Variants in PIWIL4 observed in about 807,000 individuals in gnomAD.
PIWIL4 encodes piwi like RNA-mediated gene silencing 4.
In PIWIL4, 50 loss-of-function variants were observed where a neutral mutation model predicts 100.9. The ratio of observed to expected loss-of-function variants is 0.50; its 90% CI spans 0.39 to 0.63. The LOEUF is 0.63. Among genes scored for constraint, PIWIL4 ranks in the 20% least tolerant of loss-of-function variants. The pLI is 0.00. For missense variants in PIWIL4, 887 were observed against 1,043.3 expected (o/e 0.85, Z 2.06); for synonymous variants, 342 against 367.5 (o/e 0.93, Z 0.79).
intron 15 of PIWIL4, among the ~76,000 whole-genome samples, chr11:94,614,308 T>TC: frequency 6.7e-6 from 1 of 150,236 alleles, no homozygotes; most frequent in South Asian, 2.1e-4. Context: ...TTCTTTTTTT[T>TC]TTTTTTTTTC....
chr11:94,576,159 G>A (rs1037181810), intron 3 of PIWIL4, among the ~76,000 whole-genome samples: 8 of 152,216 alleles, frequency 5.3e-5, no homozygotes, highest in Non-Finnish European at 1.2e-4. Flanking sequence ...TTTGGAGACA[G>A]CGTCTCACTC....
intron 10 of PIWIL4, among the ~76,000 whole-genome samples, chr11:94,597,603 G>C (rs1948573486): frequency 6.6e-6 from 1 of 152,110 alleles, no homozygotes; most frequent in East Asian, 1.9e-4. Context: ...TCTAACCACT[G>C]TACTCCCACT....
intron 3 of PIWIL4, 113 bp from the exon 4 acceptor site, chr11:94,577,165 C>T: frequency 2.4e-6 from 2 of 837,534 alleles, no homozygotes; most frequent in South Asian, 3.6e-5. Flanking sequence ...TGCAAAAATC[C>T]TTGCTTTAAA....
In PIWIL4 at chr11:94,593,664, C is replaced by T. The variant is rs375761037; in HGVS notation, c.1150+23C>T. Reference sequence around the variant, plus strand: ...CAGGTAATGTTTGTGTTTTATACCTCTGTCAGGCTCCTGGATACAGGCCCC... The same window carrying T: ...CAGGTAATGTTTGTGTTTTATACCTTTGTCAGGCTCCTGGATACAGGCCCC... On this transcript the variant is annotated intron_variant, in intron 9 of 19. Transcript: ENST00000299001. 4.8e-5 allele frequency: 77 copies of T among 1,611,238 alleles called. No homozygotes were observed. The African/African-American group carries it at 8.3e-4, about 17-fold the overall frequency.
chr11:94,576,228 AGGTTCAAGC>A (rs1948235067), intron 3 of PIWIL4, among the ~76,000 whole-genome samples: 1 of 152,132 alleles, frequency 6.6e-6, no homozygotes, highest in Non-Finnish European at 1.5e-5. Context: ...TCTGCCTTCC[AGGTTCAAGC>A]GATTCTTGTG....
At chr11:94,584,649 A>G (rs1150334) in intron 5 of PIWIL4, among the ~76,000 whole-genome samples, 149,899 of 152,328 alleles carry the variant, frequency 0.98, 73,763 homozygotes, top group Middle Eastern at 1. Context: ...ATCACAGTTG[A>G]AACGCGTTTC....
intron 4 of PIWIL4, among the ~76,000 whole-genome samples, chr11:94,583,042 A>ATGTGTGTGTGTGTG (rs112392209): frequency 2.5e-3 from 351 of 140,406 alleles, no homozygotes; most frequent in African/African-American, 8.4e-3. Context: ...GTATATATAT[A>ATGTGTGTGTGTGTG]TATGTGTGTG....
chr11:94,589,304 A>C (rs922561746), intron 8 of PIWIL4, 72 bp downstream of exon 8: 1 of 1,320,198 alleles, frequency 7.6e-7, no homozygotes, highest in Non-Finnish European at 1.1e-6. Flanking sequence ...TCCAAGTCTC[A>C]GAGGTCCCCC....
chr11:94,584,491 G>A (rs1948370951), intron 5 of PIWIL4, among the ~76,000 whole-genome samples: 1 of 152,164 alleles, frequency 6.6e-6, no homozygotes, highest in Non-Finnish European at 1.5e-5. Flanking sequence ...CTTGCATGCT[G>A]ACATTTGGAA....
chr11:94,577,608 G>A, intron 4 of PIWIL4, 116 bp downstream of exon 4: 1 of 855,584 alleles, frequency 1.2e-6, no homozygotes, highest in Admixed American at 3.3e-5. Context: ...TGGAAAAATA[G>A]AATTAAAAGG....
At chr11:94,600,145 C>G (rs923248247) in intron 11 of PIWIL4, among the ~76,000 whole-genome samples, 1 of 152,136 alleles carries the variant, frequency 6.6e-6, no homozygotes, top group Admixed American at 6.5e-5. Context: ...CTCTTCAGCG[C>G]AGGAAACCTG....
Position 94,573,553 on chromosome 11 carries a change from GT to G in PIWIL4, c.167-1441del, listed in dbSNP as rs571516013. Among the ~76,000 whole-genome samples the G allele has an allele frequency of 1.6e-4, 25 of 152,246 alleles. No individual in the cohort carries two copies. The South Asian group carries it at 5.0e-3, about 30-fold the overall frequency. ...CTGCATCTATTGAGATAATCATGTG[GT>G]TTTTGCCTTTGGTTCTGTTTATGTG... On this transcript the variant is annotated intron_variant, in intron 2 of 19. Transcript: ENST00000299001.
In PIWIL4 at chr11:94,577,210, T is replaced by C. The variant is rs527884719; in HGVS notation, c.299-68T>C. On this transcript the variant is annotated intron_variant, in intron 3 of 19. Coordinates refer to ENST00000299001, the MANE Select transcript of PIWIL4 (RefSeq NM_152431.3). Reference sequence around the variant, plus strand: ...ATGCATAGGCAAATACATTTTTAAATGGTGTGATTAATATTAACATGATGT... The same window carrying C: ...ATGCATAGGCAAATACATTTTTAAACGGTGTGATTAATATTAACATGATGT... 27 of 1,263,516 alleles carry C rather than the reference T, an allele frequency of 2.1e-5. No homozygotes were observed. The African/African-American group carries it at 3.4e-4, about 16-fold the overall frequency. 78.3% of individuals were successfully genotyped at this position (1,263,516 alleles called of 1,614,324 possible). A position where few individuals can be genotyped will look rare whatever the true frequency, so the allele number is the denominator to read the frequency against.
chr11:94,597,771 C>A (rs1297601538), intron 10 of PIWIL4, 33 bp from the exon 11 acceptor site: 7 of 1,462,320 alleles, frequency 4.8e-6, no homozygotes, highest in Non-Finnish European at 6.7e-6. Context: ...AATTATATCT[C>A]TCTTTAATGA....
intron 2 of PIWIL4, among the ~76,000 whole-genome samples, chr11:94,571,392 C>T (rs780458463): frequency 1.3e-5 from 2 of 152,154 alleles, no homozygotes; most frequent in Admixed American, 6.5e-5. Flanking sequence ...CCCATTAACT[C>T]GTCATTTACA....
chr11:94,571,077 C>T (rs1174146888), intron 2 of PIWIL4, among the ~76,000 whole-genome samples: 1 of 152,154 alleles, frequency 6.6e-6, no homozygotes, highest in Non-Finnish European at 1.5e-5. Flanking sequence ...TCTGCTGTTC[C>T]TCACTGGGAG....
chr11:94,581,693 G>A (rs1948321946), intron 4 of PIWIL4, among the ~76,000 whole-genome samples: 2 of 152,144 alleles, frequency 1.3e-5, no homozygotes, highest in South Asian at 2.1e-4. Context: ...GCAGGGTGTC[G>A]AAAGGGCTTG....
intron 4 of PIWIL4, among the ~76,000 whole-genome samples, chr11:94,582,123 GC>G (rs1948328364): frequency 1.3e-5 from 2 of 152,250 alleles, no homozygotes; most frequent in South Asian, 4.1e-4. Flanking sequence ...GAGGTACAAG[GC>G]GGGGCTGAAG....
At chr11:94,580,890 CTTTTTTTTTTTT>C (rs956802836) in intron 4 of PIWIL4, among the ~76,000 whole-genome samples, 5 of 78,942 alleles carry the variant, frequency 6.3e-5, no homozygotes, top group African/African-American at 2.7e-4. Context: ...CTCTGCCAGG[CTTTTTTTTTTTT>C]TTTTTTTTTT....
Sources: gnomAD v4.1 joint callset for allele counts (sites outside exome capture counted in the v4.1 genomes callset) on GRCh38, gnomAD v4.1.1 for gene constraint, MANE v1.5 for transcripts, NCBI Gene and HGNC (gene_info 2026-07-23, HGNC 2026-07-21) for gene names.